IL17B: variants seen among roughly 807,000 people sequenced by gnomAD.
IL17B encodes interleukin-17B.
A neutral mutation model predicts 14.7 loss-of-function variants in IL17B; 14 were observed. That is an observed-to-expected ratio of 0.95 (90% CI 0.63 to 1.49). The LOEUF (loss-of-function observed/expected upper bound fraction) is 1.49, where lower values mean the gene tolerates loss of function less well. Ranked by LOEUF, IL17B falls within the 40% of genes most tolerant of loss-of-function variation. The probability of loss-of-function intolerance (pLI) is 0.00; values close to 1 mark genes in which losing one functional copy is unlikely to be tolerated. For missense variants in IL17B, 233 were observed against 252.8 expected (o/e 0.92, Z 0.53); for synonymous variants, 105 against 94.8 (o/e 1.11, Z -0.62).
At chr5:149,383,987 G>A (rs570242452), upstream of IL17B, among the ~76,000 whole-genome samples, 4 of 152,300 alleles carry the variant, frequency 2.6e-5, no homozygotes, top group South Asian at 8.3e-4. Context: ...CAAGTCTCTT[G>A]TTAGCACTCA....
Position 149,393,733 on chromosome 5 carries a change from T to C in IL17B, n.95+10375A>G, listed in dbSNP as rs145130398. 6.6e-5 allele frequency among the ~76,000 whole-genome samples: 10 copies of C among 152,226 alleles called. No individual in the cohort carries two copies. The East Asian group carries it at 9.7e-4, about 15-fold the overall frequency. ...AATGTATCCTCAGACAGACATAGAT[T>C]CTGAGAACATTATTTAAGCCCCTGG... On this transcript the variant is annotated intron_variant and non_coding_transcript_variant, in intron 1 of 2. Transcript: ENST00000505432.
rs1415657759 is a variant in IL17B, at chr5:149,376,894, T to C, written c.153A>G (p.Ser51=). The part of the protein sequence containing the change: ...GPHQVPLDLV[S]RMKPYARMEE... ...CCATGCGGGCATACGGTTTCATCCG[T>C]GACACCAGGTCCAGTGGCACCTGGT... Residue 51 remains serine, a synonymous_variant, in exon 2 of 3, where the codon TCA becomes TCG. Transcript: ENST00000261796. The C allele has an allele frequency of 3.7e-6, 6 of 1,614,020 alleles. No individual in the cohort carries two copies. In the African/African-American group the frequency reaches 8.0e-5, roughly 22 times the overall value.
chr5:149,379,333 G>T (rs1758626541), upstream of IL17B: 2 of 1,301,426 alleles, frequency 1.5e-6, no homozygotes, highest in East Asian at 4.9e-5. Context: ...AGCTCAACTG[G>T]GGGCTGCTGG....
chr5:149,379,182 T>C (rs757078162), intron 1 of IL17B, 23 bp downstream of exon 1: 1 of 1,613,350 alleles, frequency 6.2e-7, no homozygotes, highest in South Asian at 1.1e-5. Context: ...GGGGTGGGGG[T>C]GCGGCAGGGA....
chr5:149,395,493 A>C (rs1201183018), intron 1 of IL17B, among the ~76,000 whole-genome samples: 1 of 152,212 alleles, frequency 6.6e-6, no homozygotes, highest in Admixed American at 6.5e-5. Flanking sequence ...ATTGAACAGC[A>C]ACACCATTGT....
At chr5:149,397,562 T>C (rs878974964) in intron 1 of IL17B, among the ~76,000 whole-genome samples, 3 of 152,242 alleles carry the variant, frequency 2.0e-5, no homozygotes, top group African/African-American at 4.8e-5. Flanking sequence ...ATCCCTTCCA[T>C]TGTGTTGTAA....
intron 1 of IL17B, among the ~76,000 whole-genome samples, chr5:149,385,806 C>T (rs528699610): frequency 2.5e-4 from 38 of 152,356 alleles, no homozygotes; most frequent in African/African-American, 8.9e-4. Context: ...AAGGCCCCAA[C>T]CCTGCCCTCA....
upstream of IL17B, among the ~76,000 whole-genome samples, chr5:149,382,797 T>TA (rs1758730626): frequency 1.3e-5 from 2 of 152,268 alleles, no homozygotes; most frequent in African/African-American, 4.8e-5. Context: ...GGGTGCTCAC[T>TA]AAACCCACGC....
chr5:149,385,866 C>T (rs758699183), intron 1 of IL17B, among the ~76,000 whole-genome samples: 3 of 152,198 alleles, frequency 2.0e-5, no homozygotes, highest in African/African-American at 7.2e-5. Context: ...TTCAGCCCCC[C>T]AGAGCCGCTC....
chr5:149,390,463 C>T (rs868047343), intron 1 of IL17B, among the ~76,000 whole-genome samples: 1 of 150,852 alleles, frequency 6.6e-6, no homozygotes, highest in Non-Finnish European at 1.5e-5. Flanking sequence ...GTAGTGACAC[C>T]CCCCTCCTCA....
chr5:149,401,950 A>T (rs1759211904), intron 1 of IL17B, among the ~76,000 whole-genome samples: 1 of 152,200 alleles, frequency 6.6e-6, no homozygotes. Context: ...ATGCACGGTC[A>T]CATGTGTTAC....
chr5:149,392,862 T>A (rs1294723896), intron 1 of IL17B, among the ~76,000 whole-genome samples: 1 of 152,098 alleles, frequency 6.6e-6, no homozygotes, highest in African/African-American at 2.4e-5. Flanking sequence ...TAGAAGTGAG[T>A]CATGTCTTAC....
rs940930352 is a variant in IL17B at position 149,378,099 on chromosome 5, A to C, written c.22-1074T>G. 2.0e-5 allele frequency among the ~76,000 whole-genome samples: 3 copies of C among 151,856 alleles called. No homozygotes were observed. In the East Asian group the frequency reaches 5.8e-4, roughly 29 times the overall value. Reference sequence around the variant, plus strand: ...GCGGAGCTTGCAGTGAGCCGAGATCACACCACTGCACTCCAGCCTGGGCGA... The same window carrying C: ...GCGGAGCTTGCAGTGAGCCGAGATCCCACCACTGCACTCCAGCCTGGGCGA... On this transcript the variant is annotated intron_variant, in intron 1 of 2. Coordinates refer to ENST00000261796, the MANE Select transcript of IL17B (RefSeq NM_014443.3).
chr5:149,398,200 G>T (rs1393214494), intron 1 of IL17B, among the ~76,000 whole-genome samples: 1 of 152,212 alleles, frequency 6.6e-6, no homozygotes, highest in Non-Finnish European at 1.5e-5. Context: ...CAAGGTAATA[G>T]TTTTGTCTAA....
At chr5:149,399,282 A>G (rs114631300) in intron 1 of IL17B, among the ~76,000 whole-genome samples, 93 of 152,212 alleles carry the variant, frequency 6.1e-4, no homozygotes, top group African/African-American at 2.2e-3. Context: ...GGCATCAGGG[A>G]TCTCAGCCAC....
At chr5:149,379,541 G>A (rs536669300), upstream of IL17B, among the ~76,000 whole-genome samples, 461 of 152,340 alleles carry the variant, frequency 3.0e-3, 1 homozygote, top group African/African-American at 0.011. Context: ...TGTGGCCTGC[G>A]GCCGGCCGCC....
intron 2 of IL17B, among the ~76,000 whole-genome samples, chr5:149,376,413 C>G (rs1262308333): frequency 2.0e-5 from 3 of 152,252 alleles, no homozygotes; most frequent in Non-Finnish European, 4.4e-5. Context: ...CCGAGGCCCA[C>G]AGAGCAGAGG....
upstream of IL17B, among the ~76,000 whole-genome samples, chr5:149,381,610 A>G (rs1484289459): frequency 6.6e-6 from 1 of 152,158 alleles, no homozygotes; most frequent in Non-Finnish European, 1.5e-5. Context: ...GGGGCCCCAG[A>G]TCCTTCACAG....
At chr5:149,385,310 G>A (rs1274783600) in intron 1 of IL17B, among the ~76,000 whole-genome samples, 2 of 151,966 alleles carry the variant, frequency 1.3e-5, no homozygotes, top group Non-Finnish European at 2.9e-5. Context: ...AGCCAAGATC[G>A]TGCCATTGCA....
Sources: gnomAD v4.1 joint callset for allele counts (sites outside exome capture counted in the v4.1 genomes callset) on GRCh38, gnomAD v4.1.1 for gene constraint, MANE v1.5 for transcripts, NCBI Gene and HGNC (gene_info 2026-07-23, HGNC 2026-07-21) for gene names.